The following PRKCA variants were observed in gnomAD, a reference collection of about 807,000 sequenced individuals.
PRKCA encodes protein kinase C alpha type.
Under a neutral mutation model 87.0 loss-of-function variants are expected in PRKCA, and 27 were observed. That is an observed-to-expected ratio of 0.31 (90% CI 0.23 to 0.43). The LOEUF is 0.43. Ranked by LOEUF, PRKCA falls within the 20% of genes least tolerant of loss-of-function variation. PRKCA has a pLI of 1.00. For missense variants in PRKCA, 518 were observed against 852.3 expected (o/e 0.61, Z 4.88); for synonymous variants, 329 against 311.1 (o/e 1.06, Z -0.61).
At chr17:66,760,141 T>C (rs1974649978) in intron 13 of PRKCA, among the ~76,000 whole-genome samples, 1 of 152,192 alleles carries the variant, frequency 6.6e-6, no homozygotes, top group Non-Finnish European at 1.5e-5. Flanking sequence ...CATTCACCAA[T>C]ATAGACCACA....
chr17:66,762,412 G>A (rs1974706254), intron 13 of PRKCA, among the ~76,000 whole-genome samples: 1 of 152,178 alleles, frequency 6.6e-6, no homozygotes, highest in African/African-American at 2.4e-5. Flanking sequence ...CAAGATCACA[G>A]CTGAGGAAAT....
intron 16 of PRKCA, chr17:66,796,848 T>G: frequency 6.1e-6 from 6 of 985,372 alleles, no homozygotes; most frequent in African/African-American, 1.7e-5. Context: ...CAAGTGAGGG[T>G]TCCCCTACGA....
At chr17:66,748,234 C>A (rs1974344056) in intron 13 of PRKCA, among the ~76,000 whole-genome samples, 1 of 152,190 alleles carries the variant, frequency 6.6e-6, no homozygotes, top group South Asian at 2.1e-4. Flanking sequence ...GCGTTCCCGC[C>A]CTACAGGAAT....
At chr17:66,524,393 G>A (rs950744537) in intron 3 of PRKCA, among the ~76,000 whole-genome samples, 2 of 152,172 alleles carry the variant, frequency 1.3e-5, no homozygotes, top group African/African-American at 2.4e-5. Context: ...ACAAGAAACT[G>A]TTACTGTTGT....
chr17:66,551,295 T>A (rs1968319893), intron 3 of PRKCA, among the ~76,000 whole-genome samples: 1 of 152,136 alleles, frequency 6.6e-6, no homozygotes, highest in African/African-American at 2.4e-5. Context: ...CATCTTTGGG[T>A]CAGAAATTGG....
chr17:66,805,724 C>T lies in PRKCA; in HGVS notation c.*1687C>T, dbSNP rs577707939. 6.6e-6 allele frequency: 1 copy of T among 152,332 alleles called. No homozygotes were observed. The highest frequency in any genetic ancestry group is 1.9e-4 in the East Asian group (1 of 5,188). The allele number at this position is 152,332 out of a possible 1,614,324, so 9.4% of individuals were successfully genotyped here. ...TCCTCTTGGGGACAACAGGAAGTGTCTGATTCCAGTCTGCCTAGTACGTTG... is the reference window on the plus strand; with the variant it reads ...TCCTCTTGGGGACAACAGGAAGTGTTTGATTCCAGTCTGCCTAGTACGTTG... On this transcript the variant is annotated 3_prime_UTR_variant, in exon 17 of 17. Transcript: ENST00000413366.
At chr17:66,397,425 T>C (rs1306907273) in intron 2 of PRKCA, among the ~76,000 whole-genome samples, 1 of 151,944 alleles carries the variant, frequency 6.6e-6, no homozygotes, top group African/African-American at 2.4e-5. Context: ...TTTAAGGGAA[T>C]TTATTAATTT....
chr17:66,471,985 A>G (rs1371208784), intron 2 of PRKCA, among the ~76,000 whole-genome samples: 1 of 152,202 alleles, frequency 6.6e-6, no homozygotes, highest in East Asian at 1.9e-4. Context: ...TTTTAAGGAC[A>G]TGGTTTCGCT....
intron 2 of PRKCA, among the ~76,000 whole-genome samples, chr17:66,324,340 G>T (rs1905851135): frequency 6.6e-6 from 1 of 151,512 alleles, no homozygotes; most frequent in Non-Finnish European, 1.5e-5. Flanking sequence ...AGTGGCTCAC[G>T]CCTGTAATCC....
chr17:66,342,441 A>AAT (rs1907095073), intron 2 of PRKCA, among the ~76,000 whole-genome samples: 1 of 142,988 alleles, frequency 7.0e-6, no homozygotes, highest in East Asian at 2.0e-4. Context: ...AAAATAAAAT[A>AAT]AATAATAATA....
chr17:66,608,755 G>A (rs1026814082), intron 3 of PRKCA, among the ~76,000 whole-genome samples: 2 of 152,208 alleles, frequency 1.3e-5, no homozygotes, highest in African/African-American at 4.8e-5. Context: ...AGGGAAGAGC[G>A]TAGAGCTATT....
At chr17:66,636,183 C>T (rs1971147398) in intron 3 of PRKCA, among the ~76,000 whole-genome samples, 1 of 152,156 alleles carries the variant, frequency 6.6e-6, no homozygotes, top group East Asian at 1.9e-4. Context: ...TTGATAGAAA[C>T]ACAGTGAGCC....
rs542907581 is a variant in PRKCA, at chr17:66,390,925, C to T, written c.205+84798C>T. Among the ~76,000 whole-genome samples, 437 of 124,006 alleles carry T rather than the reference C, an allele frequency of 3.5e-3. 3 individuals are homozygous for T. The highest frequency in any genetic ancestry group is 0.014 in the African/African-American group (394 of 28,872). 81.4% of individuals were successfully genotyped at this position (124,006 alleles called of 152,430 possible). On this transcript the variant is annotated intron_variant, in intron 2 of 16. Transcript: ENST00000413366. ...CATGCGAAGCAAAGGAACCAAGTAG[C>T]AGAGGAAACTCAGCAACCCCAAAGA... is the stretch of plus-strand genomic sequence containing the variant.
intron 13 of PRKCA, among the ~76,000 whole-genome samples, chr17:66,756,675 T>C (rs1410652612): frequency 6.6e-6 from 1 of 151,990 alleles, no homozygotes; most frequent in East Asian, 1.9e-4. Context: ...TTTTTTTTTG[T>C]TTTGGAGATG....
chr17:66,787,182 A>G (rs1975421659), intron 15 of PRKCA: 1 of 752,302 alleles, frequency 1.3e-6, no homozygotes, highest in East Asian at 2.6e-5. Flanking sequence ...CCTGTTTTGA[A>G]CTCTGCACAA....
chr17:66,765,274 A>G (rs937125603), intron 13 of PRKCA, among the ~76,000 whole-genome samples: 1 of 151,482 alleles, frequency 6.6e-6, no homozygotes, highest in African/African-American at 2.4e-5. Context: ...TTAGCCAGGC[A>G]TAATGATGGG....
At chr17:66,727,396 T>C (rs1054851552) in intron 8 of PRKCA, among the ~76,000 whole-genome samples, 7 of 152,138 alleles carry the variant, frequency 4.6e-5, no homozygotes, top group African/African-American at 1.7e-4. Flanking sequence ...CACCTGTTTT[T>C]ACACTAAATA....
chr17:66,488,326 A>T (rs1916077726), intron 2 of PRKCA, among the ~76,000 whole-genome samples: 1 of 152,178 alleles, frequency 6.6e-6, no homozygotes, highest in Non-Finnish European at 1.5e-5. Context: ...TGACATTTTT[A>T]AAGGGTATTT....
chr17:66,342,738 A>T (rs1459154311), intron 2 of PRKCA, among the ~76,000 whole-genome samples: 1 of 152,130 alleles, frequency 6.6e-6, no homozygotes, highest in Admixed American at 6.5e-5. Context: ...AAACAAAAGC[A>T]TTGTTCAAAA....
Sources: allele counts gnomAD v4.1 joint callset (sites outside exome capture counted in the v4.1 genomes callset), GRCh38; gene constraint gnomAD v4.1.1; transcripts MANE v1.5; gene names NCBI Gene and HGNC (gene_info 2026-07-23, HGNC 2026-07-21).